The following TRPM4 variants were observed in gnomAD, a reference collection of about 807,000 sequenced individuals.
The protein encoded by TRPM4 is calcium-activated non-selective cation channel 1.
TRPM4 carries 124 observed loss-of-function variants against 135.6 expected under a neutral mutation model. That is an observed-to-expected ratio of 0.91 (90% CI 0.79 to 1.06). The LOEUF (loss-of-function observed/expected upper bound fraction) is 1.06. Ranked by LOEUF, TRPM4 falls within the 50% of genes least tolerant of loss-of-function variation. The probability of loss-of-function intolerance (pLI) is 0.00; values close to 1 mark genes in which losing one functional copy is unlikely to be tolerated. For missense variants in TRPM4, 1,658 were observed against 1,671.4 expected, an observed-to-expected ratio of 0.99 and a Z score of 0.14; for synonymous variants, 745 against 705.6, an observed-to-expected ratio of 1.06 and a Z score of -0.88.
At chr19:49,177,617 C>T (rs1967749916) in intron 9 of TRPM4, among the ~76,000 whole-genome samples, 1 of 152,126 alleles carries the variant, frequency 6.6e-6, no homozygotes, top group East Asian at 1.9e-4. Flanking sequence ...TGAGCCACCA[C>T]CCCTGGCCCA....
At chr19:49,186,608 A>T (rs1238731333) in intron 12 of TRPM4, among the ~76,000 whole-genome samples, 1 of 152,150 alleles carries the variant, frequency 6.6e-6, no homozygotes, top group Non-Finnish European at 1.5e-5. Flanking sequence ...GCAGTGGCTC[A>T]CACCTGTAAT....
chr19:49,196,412 T>G, intron 16 of TRPM4, 28 bp from the exon 17 acceptor site: 2 of 1,515,514 alleles, frequency 1.3e-6, no homozygotes, highest in Non-Finnish European at 1.8e-6. Context: ...GAGTGAGGCC[T>G]CCTCCCTTCT....
intron 2 of TRPM4, among the ~76,000 whole-genome samples, chr19:49,165,306 G>C (rs1454776790): frequency 6.6e-6 from 1 of 152,092 alleles, no homozygotes; most frequent in Non-Finnish European, 1.5e-5. Flanking sequence ...TGAGCCCGAG[G>C]CCTGCTTTTC....
chr19:49,188,858 C>G (rs1968300784), intron 13 of TRPM4, 88 bp downstream of exon 13: 1 of 1,612,838 alleles, frequency 6.2e-7, no homozygotes, highest in South Asian at 1.1e-5. Context: ...TATCCCTGCG[C>G]CATCCCCTTA....
chr19:49,190,909 A>T, intron 16 of TRPM4, 136 bp downstream of exon 16: 1 of 695,588 alleles, frequency 1.4e-6, no homozygotes, highest in Non-Finnish European at 2.4e-6. Context: ...ATTTATAAAG[A>T]AAAGAGGTTT....
intron 9 of TRPM4, among the ~76,000 whole-genome samples, chr19:49,173,717 G>A (rs1967562345): frequency 6.6e-6 from 1 of 152,082 alleles, no homozygotes; most frequent in African/African-American, 2.4e-5. Context: ...GAGTATAGTG[G>A]TGTGATCACG....
chr19:49,202,666 A>G (rs2145974502), intron 20 of TRPM4, among the ~76,000 whole-genome samples: 1 of 151,768 alleles, frequency 6.6e-6, no homozygotes, highest in Middle Eastern at 3.4e-3. Flanking sequence ...TTCTCAGCTC[A>G]CTGCAACCTC....
chr19:49,159,478 AGTTTTTT>A (rs1396147918), intron 2 of TRPM4: 1 of 147,450 alleles, frequency 6.8e-6, no homozygotes, highest in Non-Finnish European at 1.5e-5. Context: ...CAGGCTTTCT[AGTTTTTT>A]GTTTTTTGTT....
chr19:49,206,113 A>G (rs1443105204), intron 20 of TRPM4, among the ~76,000 whole-genome samples: 1 of 151,920 alleles, frequency 6.6e-6, no homozygotes, highest in East Asian at 2.0e-4. Flanking sequence ...GGCACCTGCC[A>G]CCACGCCCGG....
intron 12 of TRPM4, among the ~76,000 whole-genome samples, chr19:49,187,531 G>T (rs1968242298): frequency 6.6e-6 from 1 of 151,804 alleles, no homozygotes; most frequent in African/African-American, 2.4e-5. Flanking sequence ...AAAAAATTTT[G>T]TAGAGATGGA....
rs1967135019 is a variant in TRPM4 at position 49,165,479 on chromosome 19, T to C, written c.93-562T>C. ...CGTGTGAAGTTCGTGTCGCGTTGCC[T>C]CTGGCTGGGACTGGTATGCGAGCCT... On this transcript the variant is annotated intron_variant, in intron 2 of 24. Coordinates refer to ENST00000252826, the MANE Select transcript of TRPM4 (RefSeq NM_017636.4). 1.3e-5 allele frequency among the ~76,000 whole-genome samples: 2 copies of C among 152,164 alleles called. 1 individual carries two copies. Among genetic ancestry groups the C allele is most frequent in the African/African-American group, 4.8e-5 (2 of 41,434 alleles).
chr19:49,185,532 T>A (rs1319751585), intron 12 of TRPM4, among the ~76,000 whole-genome samples: 1 of 150,464 alleles, frequency 6.6e-6, no homozygotes, highest in Non-Finnish European at 1.5e-5. Context: ...TGAGCCACCA[T>A]GCCTGGTCTC....
chr19:49,166,750 C>T (rs897543596), intron 3 of TRPM4, among the ~76,000 whole-genome samples: 14 of 149,568 alleles, frequency 9.4e-5, no homozygotes, highest in Non-Finnish European at 1.5e-4. Flanking sequence ...CTCTGGGTCT[C>T]TGTCTCTGTC....
chr19:49,190,711 G>T lies in TRPM4; in HGVS notation c.2148G>T (p.Glu716Asp), dbSNP rs990586099. ...CCCTTGCTAGGAAATCAGAAGAGGA[G>T]CCCACACGGGAGGAGCTAGAGTTTG... ...RLITFRKSEE[E>D]PTREELEFDM... The change falls in exon 16 of 25, where the codon GAG (glutamate) becomes GAT (aspartate). Residue 716 changes from glutamate to aspartate, a missense_variant. Physicochemically the swap from Glu to Asp is conservative, Grantham distance 45. This residue lies in a region of TRPM4 where 1,412 missense variants were observed against 1,408.7 expected (regional missense o/e 1.00). Transcript: ENST00000252826. 6 of 1,614,058 alleles carry T rather than the reference G, an allele frequency of 3.7e-6. No individual in the cohort carries two copies. In the African/African-American group the frequency reaches 8.0e-5, roughly 22 times the overall value.
Position 49,190,204 on chromosome 19 carries a change from A to C in TRPM4, c.2020-4A>C, listed in dbSNP as rs369498574. ...TGGATCCTAATCCTTCCCACCCCCC[A>C]CAGTCTCTGCTGACACAGAAGTGGT... On this transcript the variant is annotated splice_region_variant and splice_polypyrimidine_tract_variant and intron_variant, in intron 14 of 24. Transcript: ENST00000252826. The C allele has an allele frequency of 1.1e-4, 185 of 1,613,308 alleles. No individual in the cohort carries two copies. Among genetic ancestry groups the C allele is most frequent in the Admixed American group, 1.8e-4 (11 of 60,016 alleles).
At chr19:49,177,507 T>C (rs1243263450) in intron 9 of TRPM4, among the ~76,000 whole-genome samples, 5 of 151,712 alleles carry the variant, frequency 3.3e-5, no homozygotes, top group Admixed American at 2.6e-4. Context: ...TTTGTATTTT[T>C]AGTAGAGATG....
At position 49,210,291 on chromosome 19, in the gene TRPM4, C is replaced by CGGCCCGCGCTG; in HGVS notation, c.3216_3226dup (p.Ala1076GlyfsTer51). 1 of 1,614,232 alleles carries CGGCCCGCGCTG rather than the reference C, an allele frequency of 6.2e-7. No homozygotes were observed. On this transcript the variant is annotated frameshift_variant, in exon 21 of 25. Transcript: ENST00000252826. LOFTEE classifies it high-confidence loss of function. The surrounding 1 kb of genome is among the most constrained non-coding windows in gnomAD (Gnocchi z 4.1). ...CCGCCTCATCCGGGAATTCCACTCTCGGCCCGCGCTGGCCCCGCCCTTTAT... is the reference window on the plus strand; with the variant it reads ...CCGCCTCATCCGGGAATTCCACTCTCGGCCCGCGCTGGGCCCGCGCTGGCCCCGCCCTTTAT...
At chr19:49,201,564 T>C (rs1277420725) in intron 19 of TRPM4, among the ~76,000 whole-genome samples, 3 of 152,186 alleles carry the variant, frequency 2.0e-5, no homozygotes, top group Non-Finnish European at 4.4e-5. Flanking sequence ...CTATTTATTG[T>C]TAATTAGATG....
rs184438069 is a variant in TRPM4, at chr19:49,175,106, G to A, written c.1150+2998G>A. 1.5e-3 allele frequency among the ~76,000 whole-genome samples: 168 copies of A among 110,108 alleles called. 2 individuals carry two copies. The South Asian group carries it at 0.037, about 25-fold the overall frequency. The allele number at this position is 110,108 out of a possible 152,430, so 72.2% of individuals were successfully genotyped here. On this transcript the variant is annotated intron_variant, in intron 9 of 24. Coordinates refer to ENST00000252826, the MANE Select transcript of TRPM4 (RefSeq NM_017636.4). Reference sequence around the variant, plus strand: ...TTTTTTTTTTTTGAGACGGAGTTTCGCTCTTGTTGTCCAGGCTGGAGTGCA... The same window carrying A: ...TTTTTTTTTTTTGAGACGGAGTTTCACTCTTGTTGTCCAGGCTGGAGTGCA...
Sources: gnomAD v4.1 joint callset for allele counts (sites outside exome capture counted in the v4.1 genomes callset) on GRCh38, gnomAD v4.1.1 for gene constraint, gnomAD v4.1.1 regional missense constraint, Gnocchi (gnomAD v3.1) non-coding constraint, MANE v1.5 for transcripts, NCBI Gene and HGNC (gene_info 2026-07-23, HGNC 2026-07-21) for gene names.